Variants in ATP2C2 observed in about 807,000 individuals in gnomAD.
The protein encoded by ATP2C2 is calcium-transporting ATPase type 2C member 2.
A neutral mutation model predicts 110.8 loss-of-function variants in ATP2C2; 171 were observed. The ratio of observed to expected loss-of-function variants is 1.54; its 90% CI spans 1.36 to 1.75. The LOEUF (loss-of-function observed/expected upper bound fraction) is 1.75, where lower values mean the gene tolerates loss of function less well. Among genes scored for constraint, ATP2C2 ranks in the 40% most tolerant of loss-of-function variants. The probability of loss-of-function intolerance (pLI) is 0.00; values close to 1 mark genes in which losing one functional copy is unlikely to be tolerated. For synonymous variants in ATP2C2, 804 were observed against 508.4 expected (o/e 1.58, Z -7.82); for missense variants, 1,963 against 1,235.0 (o/e 1.59, Z -8.84).
At chr16:84,463,480 G>C (rs1371795437) in intron 26 of ATP2C2, 134 bp from the exon 27 acceptor site, 1 of 725,030 alleles carries the variant, frequency 1.4e-6, no homozygotes, top group Non-Finnish European at 2.4e-6. Context: ...AGATCTCCCT[G>C]CCTTCAGGGG....
At chr16:84,370,595 C>A (rs185858974) in intron 1 of ATP2C2, among the ~76,000 whole-genome samples, 2 of 151,886 alleles carry the variant, frequency 1.3e-5, no homozygotes, top group East Asian at 3.9e-4. Flanking sequence ...CATGTCCTCT[C>A]GTTGGAACTC....
chr16:84,439,396 C>T, intron 12 of ATP2C2, 31 bp from the exon 13 acceptor site: 1 of 1,576,894 alleles, frequency 6.3e-7, no homozygotes, highest in Non-Finnish European at 8.6e-7. Context: ...ATGGCAACTT[C>T]TCTTCTATAA....
chr16:84,387,745 C>G (rs1321983257), intron 1 of ATP2C2, among the ~76,000 whole-genome samples: 1 of 152,096 alleles, frequency 6.6e-6, no homozygotes, highest in Non-Finnish European at 1.5e-5. Flanking sequence ...AGTGCGTCTC[C>G]CAAGACAGCC....
rs375002907 is a variant in ATP2C2 at position 84,436,919 on chromosome 16, C to T, written c.987-2247C>T. ...CTGGGATTACAGGCATGCGCCACCA[C>T]GCCTGGCTAATTTTGTATTTTTAGG... On this transcript the variant is annotated intron_variant, in intron 11 of 26. Coordinates refer to ENST00000262429, the MANE Select transcript of ATP2C2 (RefSeq NM_014861.4). 1.1e-4 allele frequency among the ~76,000 whole-genome samples: 16 copies of T among 152,092 alleles called. No homozygotes were observed. The South Asian group carries it at 2.3e-3, about 22-fold the overall frequency.
intron 11 of ATP2C2, among the ~76,000 whole-genome samples, chr16:84,431,041 A>C (rs1908233471): frequency 6.6e-6 from 1 of 152,154 alleles, no homozygotes; most frequent in Admixed American, 6.5e-5. Context: ...CTCTCTGTTT[A>C]CATCAAAAGT....
chr16:84,392,419 T>C (rs911756875), intron 1 of ATP2C2, among the ~76,000 whole-genome samples: 9 of 152,168 alleles, frequency 5.9e-5, no homozygotes, highest in African/African-American at 9.7e-5. Flanking sequence ...CAGCCTGCAC[T>C]TGGCTGGGGT....
At chr16:84,451,807 C>G in intron 17 of ATP2C2, 114 bp from the exon 18 acceptor site, 1 of 1,121,660 alleles carries the variant, frequency 8.9e-7, no homozygotes. Context: ...CACTGCACTC[C>G]AACCTGGGCG....
chr16:84,387,696 C>G (rs901930558), intron 1 of ATP2C2, among the ~76,000 whole-genome samples: 43 of 152,174 alleles, frequency 2.8e-4, no homozygotes, highest in African/African-American at 1.0e-3. Context: ...TCCAAGGTTG[C>G]GGCCCCTCAA....
chr16:84,419,935 G>C (rs1754435029), intron 7 of ATP2C2, among the ~76,000 whole-genome samples: 1 of 152,166 alleles, frequency 6.6e-6, no homozygotes, highest in African/African-American at 2.4e-5. Flanking sequence ...CTCAGGGAGG[G>C]CTTCCTGGAG....
chr16:84,463,804 T>A lies in ATP2C2; in HGVS notation c.*72T>A. The A allele has an allele frequency of 1.5e-6, 2 of 1,325,910 alleles. No individual in the cohort carries two copies. Among genetic ancestry groups the A allele is most frequent in the Admixed American group, 1.7e-5 (1 of 57,302 alleles). 82.1% of individuals were successfully genotyped at this position (1,325,910 alleles called of 1,614,324 possible). A position where few individuals can be genotyped will look rare whatever the true frequency, so the allele number is the denominator to read the frequency against. ...TGACTGTGGCCCCTGCCGTGTCTCC[T>A]CGTCAGGGGAGACTTTTAGGAGGCC... On this transcript the variant is annotated 3_prime_UTR_variant, in exon 27 of 27. Transcript: ENST00000262429.
At chr16:84,386,902 T>TTTTG (rs201980683) in intron 1 of ATP2C2, among the ~76,000 whole-genome samples, 6 of 139,418 alleles carry the variant, frequency 4.3e-5, no homozygotes, top group Admixed American at 2.1e-4. Flanking sequence ...CATTTAGGGT[T>TTTTG]TTTGTTTGTT....
At chr16:84,392,753 G>A (rs1174120447) in intron 1 of ATP2C2, among the ~76,000 whole-genome samples, 1 of 152,190 alleles carries the variant, frequency 6.6e-6, no homozygotes, top group Non-Finnish European at 1.5e-5. Context: ...GTGAGCCACT[G>A]CGCCCGGCCC....
At chr16:84,439,099 A>G in intron 11 of ATP2C2, 67 bp from the exon 12 acceptor site, 4 of 1,591,240 alleles carry the variant, frequency 2.5e-6, no homozygotes, top group Non-Finnish European at 3.4e-6. Flanking sequence ...AAGCATTGCC[A>G]GCCCCAGCTG....
chr16:84,390,672 C>T (rs985204856), intron 1 of ATP2C2, among the ~76,000 whole-genome samples: 1 of 152,070 alleles, frequency 6.6e-6, no homozygotes, highest in East Asian at 1.9e-4. Context: ...TTTCCTCTGG[C>T]GGGCGGTGAA....
intron 11 of ATP2C2, among the ~76,000 whole-genome samples, chr16:84,435,230 T>A (rs1319421250): frequency 6.6e-6 from 1 of 152,274 alleles, no homozygotes; most frequent in Non-Finnish European, 1.5e-5. Context: ...AGATCACTTC[T>A]AATAAGTGAT....
intron 2 of ATP2C2, among the ~76,000 whole-genome samples, chr16:84,401,442 C>T (rs1276232123): frequency 6.6e-6 from 1 of 152,072 alleles, no homozygotes; most frequent in Non-Finnish European, 1.5e-5. Flanking sequence ...CCAGGCTGAT[C>T]TCGAACTCCT....
chr16:84,400,484 G>A (rs1354495175), intron 2 of ATP2C2, among the ~76,000 whole-genome samples: 2 of 152,032 alleles, frequency 1.3e-5, no homozygotes, highest in East Asian at 3.9e-4. Context: ...CTGCCACCAT[G>A]CCTGGCTAAT....
intron 11 of ATP2C2, among the ~76,000 whole-genome samples, chr16:84,435,212 C>T (rs1161445918): frequency 1.3e-5 from 2 of 152,234 alleles, no homozygotes; most frequent in Non-Finnish European, 2.9e-5. Flanking sequence ...TTCAACTCCT[C>T]TGAAATCAGA....
chr16:84,449,866 C>T (rs1480465736), intron 17 of ATP2C2, among the ~76,000 whole-genome samples: 1 of 152,234 alleles, frequency 6.6e-6, no homozygotes, highest in African/African-American at 2.4e-5. Flanking sequence ...AGTAAGTAAA[C>T]ATCCCACGTG....
Sources: allele counts gnomAD v4.1 joint callset (sites outside exome capture counted in the v4.1 genomes callset), GRCh38; gene constraint gnomAD v4.1.1; transcripts MANE v1.5; gene names NCBI Gene and HGNC (gene_info 2026-07-23, HGNC 2026-07-21).